The following CERS6 variants were observed in gnomAD, a reference collection of about 807,000 sequenced individuals.
CERS6 encodes ceramide synthase 6.
In CERS6, 26 loss-of-function variants were observed where a neutral mutation model predicts 56.8. That is an observed-to-expected ratio of 0.46 (90% CI 0.34 to 0.63). The LOEUF (loss-of-function observed/expected upper bound fraction) is 0.63, where lower values mean the gene tolerates loss of function less well. CERS6 is among the 30% of genes least tolerant of loss of function. The pLI is 0.01. For synonymous variants in CERS6, 164 were observed against 173.3 expected (o/e 0.95, Z 0.42); for missense variants, 415 against 467.5 (o/e 0.89, Z 1.04).
At chr2:168,519,516 C>T (rs972085841) in intron 1 of CERS6, among the ~76,000 whole-genome samples, 2 of 152,046 alleles carry the variant, frequency 1.3e-5, no homozygotes, top group South Asian at 4.2e-4. Context: ...TCAGCCCTTG[C>T]CCTCCTCCCC....
chr2:168,650,627 G>A (rs573649617), intron 4 of CERS6, among the ~76,000 whole-genome samples: 53 of 151,936 alleles, frequency 3.5e-4, no homozygotes, highest in Non-Finnish European at 6.5e-4. Context: ...ACACTCCAAA[G>A]GCAGTATCTG....
intron 9 of CERS6, chr2:168,766,405 G>C: frequency 1.4e-6 from 2 of 1,415,468 alleles, no homozygotes; most frequent in Admixed American, 1.7e-5. Context: ...TGTTGGAGGG[G>C]CACTCAGATG....
intron 1 of CERS6, among the ~76,000 whole-genome samples, chr2:168,502,008 G>T (rs1034592717): frequency 6.6e-6 from 1 of 152,186 alleles, no homozygotes; most frequent in African/African-American, 2.4e-5. Flanking sequence ...AAATCAAGTT[G>T]CCAGATAGCA....
rs533162166 is a variant in CERS6 at position 168,541,252 on chromosome 2, T to C, written c.171-6344T>C. On this transcript the variant is annotated intron_variant, in intron 1 of 9. Transcript: ENST00000305747. The stretch of plus-strand genomic sequence containing the variant: ...CTTCCAGAAGGCCCCACCTTTCACA[T>C]TGGGGATCAAGTTTCAACATGAGGT... 2.0e-4 allele frequency among the ~76,000 whole-genome samples: 30 copies of C among 152,302 alleles called. 1 individual carries two copies. The South Asian group carries it at 5.6e-3, about 28-fold the overall frequency.
chr2:168,508,080 G>A (rs1356239646), intron 1 of CERS6, among the ~76,000 whole-genome samples: 1 of 152,150 alleles, frequency 6.6e-6, no homozygotes, highest in Non-Finnish European at 1.5e-5. Context: ...TCCATATTCT[G>A]TGATTGATTC....
In CERS6 at chr2:168,535,945, T is replaced by G. The variant is rs140082534; in HGVS notation, c.171-11651T>G. 4.2e-3 allele frequency among the ~76,000 whole-genome samples: 637 copies of G among 152,132 alleles called. 5 individuals carry two copies. The highest frequency in any genetic ancestry group is 0.02 in the South Asian group (95 of 4,802). On this transcript the variant is annotated intron_variant, in intron 1 of 9. Coordinates refer to ENST00000305747, the MANE Select transcript of CERS6 (RefSeq NM_203463.3). ...TTATTGATGTTTCCATTTGTTCTTT[T>G]GAAAATTGCCTACTTAACGTCTTTT...
At chr2:168,671,509 C>T (rs142905304) in intron 4 of CERS6, among the ~76,000 whole-genome samples, 73 of 152,206 alleles carry the variant, frequency 4.8e-4, no homozygotes, top group African/African-American at 1.7e-3. Flanking sequence ...CTGTAATTTT[C>T]CTCTTCTTGG....
intron 7 of CERS6, among the ~76,000 whole-genome samples, chr2:168,716,004 T>C (rs1188932758): frequency 2.0e-5 from 3 of 152,142 alleles, no homozygotes; most frequent in Non-Finnish European, 2.9e-5. Context: ...ATACTGTGAA[T>C]GTAGACTAGA....
chr2:168,501,540 G>A (rs1191256087), intron 1 of CERS6, among the ~76,000 whole-genome samples: 4 of 152,152 alleles, frequency 2.6e-5, no homozygotes, highest in African/African-American at 7.2e-5. Context: ...AATATTCCTT[G>A]GTCTGAGGGA....
At chr2:168,515,379 A>G (rs1329636733) in intron 1 of CERS6, among the ~76,000 whole-genome samples, 1 of 152,192 alleles carries the variant, frequency 6.6e-6, no homozygotes, top group East Asian at 1.9e-4. Flanking sequence ...TAATTTTGGT[A>G]ATTTAACTAT....
At chr2:168,684,728 A>G (rs1339965590) in intron 4 of CERS6, among the ~76,000 whole-genome samples, 2 of 152,324 alleles carry the variant, frequency 1.3e-5, no homozygotes, top group South Asian at 2.1e-4. Flanking sequence ...CAGGGTGGAA[A>G]AGTATTAATA....
intron 3 of CERS6, among the ~76,000 whole-genome samples, chr2:168,590,834 G>C (rs1683653580): frequency 6.6e-6 from 1 of 152,182 alleles, no homozygotes; most frequent in Admixed American, 6.5e-5. Context: ...CTGAGAAATA[G>C]AGAATTGGAA....
intron 4 of CERS6, among the ~76,000 whole-genome samples, chr2:168,631,432 AATAT>A (rs1355540421): frequency 7.6e-6 from 1 of 131,668 alleles, no homozygotes; most frequent in African/African-American, 2.8e-5. Flanking sequence ...AATATATGTA[AATAT>A]ATATTTATAT....
intron 4 of CERS6, among the ~76,000 whole-genome samples, chr2:168,651,858 A>G (rs1212210699): frequency 6.6e-6 from 1 of 152,146 alleles, no homozygotes; most frequent in African/African-American, 2.4e-5. Flanking sequence ...CACTTTTTCC[A>G]ACTATGTATC....
At chr2:168,676,064 G>T (rs1034113336) in intron 4 of CERS6, among the ~76,000 whole-genome samples, 2 of 152,144 alleles carry the variant, frequency 1.3e-5, no homozygotes, top group African/African-American at 2.4e-5. Flanking sequence ...AGACAGCTGG[G>T]TTCTTATTCC....
At chr2:168,688,220 T>C (rs923892084) in intron 4 of CERS6, among the ~76,000 whole-genome samples, 1 of 152,152 alleles carries the variant, frequency 6.6e-6, no homozygotes, top group African/African-American at 2.4e-5. Flanking sequence ...TATTTCATCT[T>C]TTTAAGTTCT....
intron 1 of CERS6, among the ~76,000 whole-genome samples, chr2:168,505,405 A>C (rs976125849): frequency 2.6e-5 from 4 of 151,424 alleles, no homozygotes; most frequent in Non-Finnish European, 4.4e-5. Context: ...AAAAAAAGAA[A>C]AAAAAAGAAA....
intron 4 of CERS6, among the ~76,000 whole-genome samples, chr2:168,669,672 C>T (rs943112898): frequency 1.3e-5 from 2 of 152,186 alleles, no homozygotes; most frequent in Non-Finnish European, 2.9e-5. Flanking sequence ...AAGTGATTCT[C>T]ATATGACACC....
chr2:168,598,500 A>G (rs1332121014), intron 3 of CERS6, among the ~76,000 whole-genome samples: 4 of 152,166 alleles, frequency 2.6e-5, no homozygotes, highest in African/African-American at 9.7e-5. Context: ...GGGGCAAAAA[A>G]ATAGTGGTTT....
Sources: gnomAD v4.1 joint callset for allele counts (sites outside exome capture counted in the v4.1 genomes callset) on GRCh38, gnomAD v4.1.1 for gene constraint, MANE v1.5 for transcripts, NCBI Gene and HGNC (gene_info 2026-07-23, HGNC 2026-07-21) for gene names.